PTPN11: variants seen among roughly 807,000 people sequenced by gnomAD.
PTPN11 encodes protein tyrosine phosphatase non-receptor type 11.
Under a neutral mutation model 78.8 loss-of-function variants are expected in PTPN11, and 6 were observed. That is an observed-to-expected ratio of 0.08 (90% CI 0.04 to 0.15). PTPN11 has a LOEUF of 0.15. Ranked by LOEUF, PTPN11 falls within the 10% of genes least tolerant of loss-of-function variation. The probability of loss-of-function intolerance (pLI) is 1.00; values close to 1 mark genes in which losing one functional copy is unlikely to be tolerated. For synonymous variants in PTPN11, 221 were observed against 263.5 expected (o/e 0.84, Z 1.56); for missense variants, 386 against 744.8 (o/e 0.52, Z 5.61).
intron 6 of PTPN11, among the ~76,000 whole-genome samples, chr12:112,463,822 T>G (rs930525925): frequency 1.3e-5 from 2 of 152,240 alleles, no homozygotes; most frequent in Non-Finnish European, 2.9e-5. Flanking sequence ...TATATCTAAA[T>G]AGCTGATGGC....
At chr12:112,443,658 T>G (rs1475996426) in intron 1 of PTPN11, among the ~76,000 whole-genome samples, 1 of 150,474 alleles carries the variant, frequency 6.6e-6, no homozygotes, top group Non-Finnish European at 1.5e-5. Flanking sequence ...CCGGTCTTTT[T>G]TTTTTTTTTT....
chr12:112,445,597 T>G (rs2037980280), intron 1 of PTPN11, among the ~76,000 whole-genome samples: 1 of 152,142 alleles, frequency 6.6e-6, no homozygotes, highest in African/African-American at 2.4e-5. Flanking sequence ...AAACCTGGCT[T>G]GCTATCCTCA....
At chr12:112,425,193 A>G (rs999052009) in intron 1 of PTPN11, among the ~76,000 whole-genome samples, 4 of 152,010 alleles carry the variant, frequency 2.6e-5, no homozygotes, top group Admixed American at 6.6e-5. Context: ...TAGGATATTT[A>G]TTGCATTATT....
rs190291557 is a variant in PTPN11, at chr12:112,445,339, C to G, written c.15-937C>G. Among the ~76,000 whole-genome samples the G allele has an allele frequency of 5.6e-3, 851 of 152,238 alleles. 7 individuals are homozygous for G. Among genetic ancestry groups the G allele is most frequent in the African/African-American group, 0.019 (802 of 41,536 alleles). On this transcript the variant is annotated intron_variant, in intron 1 of 15. Coordinates refer to ENST00000351677, the MANE Select transcript of PTPN11 (RefSeq NM_002834.5). ...TAGAGATGGGGTTTCACCACATTGG[C>G]CAGGATGGTCTTGAACTCCTGACGT...
At chr12:112,486,341 C>G in intron 10 of PTPN11, 134 bp from the exon 11 acceptor site, 1 of 940,440 alleles carries the variant, frequency 1.1e-6, no homozygotes, top group East Asian at 2.6e-5. Flanking sequence ...GGGAACCTCA[C>G]GAAGAGGACC....
chr12:112,437,321 C>G (rs1410055895), intron 1 of PTPN11, among the ~76,000 whole-genome samples: 2 of 151,942 alleles, frequency 1.3e-5, no homozygotes, highest in African/African-American at 4.8e-5. Flanking sequence ...CCGCGCCTGG[C>G]TAATTTTTGT....
chr12:112,487,137 T>C (rs1397033274), intron 11 of PTPN11, among the ~76,000 whole-genome samples: 2 of 152,086 alleles, frequency 1.3e-5, no homozygotes, highest in African/African-American at 2.4e-5. Flanking sequence ...CTCTCTCTTT[T>C]TTTTTTTTCG....
At chr12:112,423,002 A>G (rs777896016) in intron 1 of PTPN11, among the ~76,000 whole-genome samples, 2 of 152,206 alleles carry the variant, frequency 1.3e-5, no homozygotes, top group Non-Finnish European at 2.9e-5. Flanking sequence ...TAAGGAAGAA[A>G]GAGGCAAAAA....
In PTPN11 at chr12:112,486,635, A is replaced by G. The variant is rs746958309; in HGVS notation, c.1379+6A>G. On this transcript the variant is annotated splice_donor_region_variant and intron_variant, in intron 11 of 15. Transcript: ENST00000351677. ...CCGGTCGTGGTGCACTGCAGGTGAC[A>G]GCTCCTGCTGCCCCTCTAGGCCACA... is the stretch of plus-strand genomic sequence containing the variant. The G allele has an allele frequency of 1.9e-6, 3 of 1,612,084 alleles. No homozygotes were observed. In the East Asian group the frequency reaches 6.7e-5, roughly 36 times the overall value.
intron 1 of PTPN11, among the ~76,000 whole-genome samples, chr12:112,429,204 A>G (rs2037671699): frequency 6.6e-6 from 1 of 152,130 alleles, no homozygotes; most frequent in African/African-American, 2.4e-5. Context: ...AACCTCCACC[A>G]ATAATAATAA....
intron 1 of PTPN11, among the ~76,000 whole-genome samples, chr12:112,442,517 TC>T (rs2037909412): frequency 6.6e-6 from 1 of 151,694 alleles, no homozygotes; most frequent in Non-Finnish European, 1.5e-5. Flanking sequence ...CAGTGAGCGA[TC>T]TTGGCTTATT....
chr12:112,477,614 C>T (rs910210819), intron 7 of PTPN11, 37 bp from the exon 8 acceptor site: 1 of 1,520,020 alleles, frequency 6.6e-7, no homozygotes. Flanking sequence ...CTGAAGCAGT[C>T]CAGGACTTAT....
rs183897395 is a variant in PTPN11 at position 112,504,354 on chromosome 12, C to A, written c.1713-341C>A. Among the ~76,000 whole-genome samples, 2 of 152,312 alleles carry A rather than the reference C, an allele frequency of 1.3e-5. No individual in the cohort carries two copies. Among genetic ancestry groups the A allele is most frequent in the East Asian group, 3.9e-4 (2 of 5,186 alleles). On this transcript the variant is annotated intron_variant, in intron 14 of 15. Coordinates refer to ENST00000351677, the MANE Select transcript of PTPN11 (RefSeq NM_002834.5). This position sits in a 1 kb window ranked among gnomAD's most constrained non-coding sequence, Gnocchi z 4.7. ...GGGACTACAGGCATGTGCCATGACACCCGGATAATTTTTGTATTTTTAGTA... is the reference window on the plus strand; with the variant it reads ...GGGACTACAGGCATGTGCCATGACAACCGGATAATTTTTGTATTTTTAGTA...
At chr12:112,423,923 C>T (rs2037564055) in intron 1 of PTPN11, among the ~76,000 whole-genome samples, 1 of 151,308 alleles carries the variant, frequency 6.6e-6, no homozygotes, top group African/African-American at 2.4e-5. Context: ...TCCAATTTTT[C>T]TATTTTTTTG....
In PTPN11 at chr12:112,470,139, C is replaced by G. The variant is rs114082626; in HGVS notation, c.757-2805C>G. ...CTCTCACCATATTGCCCAGGCTGGT[C>G]TTGACCTCCTGTCCTCGAGCAAAAA... On this transcript the variant is annotated intron_variant, in intron 6 of 15. Transcript: ENST00000351677. Among the ~76,000 whole-genome samples, 170 of 152,250 alleles carry G rather than the reference C, an allele frequency of 1.1e-3. 1 individual carries two copies. The highest frequency in any genetic ancestry group is 3.9e-3 in the African/African-American group (161 of 41,552).
chr12:112,495,242 A>G lies in PTPN11; in HGVS notation c.1599+6067A>G, dbSNP rs80262804. The stretch of plus-strand genomic sequence containing the variant: ...TTTAATTGGATTTTGCCAGTTTTCC[A>G]ATGAATATCCTTTTTCTGTTCCTTG... On this transcript the variant is annotated intron_variant, in intron 13 of 15. Transcript: ENST00000351677. Among the ~76,000 whole-genome samples, 1,138 of 152,334 alleles carry G rather than the reference A, an allele frequency of 7.5e-3. 15 individuals carry two copies. The highest frequency in any genetic ancestry group is 0.027 in the African/African-American group (1,103 of 41,568).
Position 112,450,444 on chromosome 12 carries a change from A to G in PTPN11, c.264A>G (p.Leu88=). 1 of 1,614,028 alleles carries G rather than the reference A, an allele frequency of 6.2e-7. No individual in the cohort carries two copies. Among genetic ancestry groups the G allele is most frequent in the Non-Finnish European group, 8.5e-7 (1 of 1,179,906 alleles). ...ATTACATGGAACATCACGGGCAATT[A>G]AAAGAGAAGAATGGAGATGTCATTG... ...VQYYMEHHGQ[L]KEKNGDVIEL... The change falls in exon 3 of 16, where the codon TTA becomes TTG. Residue 88 remains leucine (L), a synonymous_variant. Transcript: ENST00000351677.
At chr12:112,501,635 A>G (rs1278314184) in intron 13 of PTPN11, among the ~76,000 whole-genome samples, 1 of 152,198 alleles carries the variant, frequency 6.6e-6, no homozygotes, top group African/African-American at 2.4e-5. Flanking sequence ...CAAACAAACA[A>G]AAATGGTGCC....
intron 1 of PTPN11, among the ~76,000 whole-genome samples, chr12:112,422,675 C>T (rs1052845235): frequency 1.3e-5 from 2 of 152,164 alleles, no homozygotes; most frequent in African/African-American, 4.8e-5. Context: ...TGAAAAATAA[C>T]AGTTCTGTGT....
Sources: allele counts gnomAD v4.1 joint callset (sites outside exome capture counted in the v4.1 genomes callset), GRCh38; gene constraint gnomAD v4.1.1; non-coding constraint Gnocchi (gnomAD v3.1); transcripts MANE v1.5; gene names NCBI Gene and HGNC (gene_info 2026-07-23, HGNC 2026-07-21).